Variants in MAK observed in about 807,000 individuals in gnomAD.
The protein encoded by MAK is serine/threonine-protein kinase MAK.
Under a neutral mutation model 82.6 loss-of-function variants are expected in MAK, and 65 were observed. The ratio of observed to expected loss-of-function variants is 0.79; its 90% CI spans 0.64 to 0.97. The LOEUF (loss-of-function observed/expected upper bound fraction) is 0.97, where lower values mean the gene tolerates loss of function less well. Ranked by LOEUF, MAK falls within the 50% of genes least tolerant of loss-of-function variation. The probability of loss-of-function intolerance (pLI) is 0.00; values close to 1 mark genes in which losing one functional copy is unlikely to be tolerated. For missense variants in MAK, 703 were observed against 780.2 expected, an observed-to-expected ratio of 0.90 and a Z score of 1.18; for synonymous variants, 250 against 274.2, an observed-to-expected ratio of 0.91 and a Z score of 0.87.
intron 2 of MAK, among the ~76,000 whole-genome samples, chr6:10,824,309 C>CA (rs1778191308): frequency 1.3e-5 from 2 of 152,220 alleles, no homozygotes; most frequent in African/African-American, 4.8e-5. Context: ...CAAGACCTAA[C>CA]AACCTAACTT....
chr6:10,772,497 C>T (rs1463127087), intron 13 of MAK, among the ~76,000 whole-genome samples: 1 of 151,990 alleles, frequency 6.6e-6, no homozygotes, highest in Non-Finnish European at 1.5e-5. Context: ...GTGCATGCCA[C>T]CACACACAGC....
chr6:10,796,625 G>C (rs1775587361), intron 8 of MAK, among the ~76,000 whole-genome samples: 1 of 152,140 alleles, frequency 6.6e-6, no homozygotes, highest in Non-Finnish European at 1.5e-5. Context: ...GACCAACATG[G>C]TGAAACCCAG....
rs191243387 is a variant in MAK at position 10,810,594 on chromosome 6, C to T, written c.359-1652G>A. Among the ~76,000 whole-genome samples, 27 of 152,264 alleles carry T rather than the reference C, an allele frequency of 1.8e-4. 1 individual carries two copies. Among genetic ancestry groups the T allele is most frequent in the Non-Finnish European group, 2.8e-4 (19 of 68,018 alleles). ...GACCTTGTGATCCACCTGCTTCACC[C>T]TCCCAAAGTGCTGGGATTACAGGTG... On this transcript the variant is annotated intron_variant, in intron 5 of 14. Coordinates refer to ENST00000354489, the MANE Select transcript of MAK (RefSeq NM_001242957.3).
chr6:10,775,253 G>T, intron 12 of MAK, 75 bp downstream of exon 12: 2 of 1,535,106 alleles, frequency 1.3e-6, no homozygotes, highest in Non-Finnish European at 1.8e-6. Flanking sequence ...GGTTGGAAGA[G>T]CACTGCAATA....
At position 10,764,581 on chromosome 6, in the gene MAK, A is replaced by G; in HGVS notation, c.1818T>C (p.Gly606=). The change falls in exon 15 of 15, where the codon GGT becomes GGC. Residue 606 remains glycine (G), a synonymous_variant. Transcript: ENST00000354489. ...ASEYTWNTKT[G]RGQFSGRTYN... Reference sequence around the variant, plus strand: ...AAGTACGTCCTGAAAACTGCCCCCGACCAGTTTTTGTGTTCCAGGTATATT... The same window carrying G: ...AAGTACGTCCTGAAAACTGCCCCCGGCCAGTTTTTGTGTTCCAGGTATATT... The G allele has an allele frequency of 1.9e-6, 3 of 1,613,896 alleles. No individual in the cohort carries two copies. Among genetic ancestry groups the G allele is most frequent in the South Asian group, 1.1e-5 (1 of 91,078 alleles).
intron 2 of MAK, among the ~76,000 whole-genome samples, chr6:10,826,910 G>A (rs1409421035): frequency 2.6e-5 from 4 of 152,108 alleles, no homozygotes; most frequent in African/African-American, 4.8e-5. Context: ...TCGGGAGTTC[G>A]AGACCAGCCT....
At chr6:10,825,546 C>T (rs985452023) in intron 2 of MAK, among the ~76,000 whole-genome samples, 1 of 151,938 alleles carries the variant, frequency 6.6e-6, no homozygotes, top group African/African-American at 2.4e-5. Context: ...AAATCATTAG[C>T]CTGCACCTCT....
At chr6:10,792,034 T>C (rs1355365579) in intron 9 of MAK, among the ~76,000 whole-genome samples, 187 bp from the exon 10 acceptor site, 1 of 152,178 alleles carries the variant, frequency 6.6e-6, no homozygotes, top group Admixed American at 6.5e-5. Context: ...AAAAATATGA[T>C]AGGTGTTCAG....
In MAK at chr6:10,796,657, T is replaced by C. The variant is rs539429905; in HGVS notation, c.832-348A>G. Among the ~76,000 whole-genome samples the C allele has an allele frequency of 7.6e-4, 115 of 152,076 alleles. 1 individual carries two copies. Among genetic ancestry groups the C allele is most frequent in the African/African-American group, 2.5e-3 (105 of 41,510 alleles). ...CCAGTCTCTACTAAAAATACAAAAA[T>C]TAGCCAGGCGTGTTGGTGGATGCCT... On this transcript the variant is annotated intron_variant, in intron 8 of 14. Coordinates refer to ENST00000354489, the MANE Select transcript of MAK (RefSeq NM_001242957.3).
At chr6:10,797,893 A>G in intron 8 of MAK, 7 of 1,279,042 alleles carry the variant, frequency 5.5e-6, no homozygotes, top group Non-Finnish European at 7.1e-6. Context: ...AGAGCACAAG[A>G]AAGAGTTTGT....
chr6:10,770,041 C>T, intron 14 of MAK, 70 bp downstream of exon 14: 1 of 1,612,752 alleles, frequency 6.2e-7, no homozygotes, highest in Non-Finnish European at 8.5e-7. Flanking sequence ...AAAGTGACTG[C>T]ATAAACTTAA....
chr6:10,791,553 C>T (rs1424093283), intron 10 of MAK, 122 bp downstream of exon 10: 5 of 867,420 alleles, frequency 5.8e-6, no homozygotes, highest in Non-Finnish European at 9.2e-6. Flanking sequence ...AGGCCTGAGC[C>T]ACTACACCTG....
intron 8 of MAK, among the ~76,000 whole-genome samples, chr6:10,799,522 A>G (rs1775845976): frequency 6.6e-6 from 1 of 151,980 alleles, no homozygotes; most frequent in Non-Finnish European, 1.5e-5. Context: ...TTGGGAGGCC[A>G]AGGCAGGAGA....
Position 10,775,303 on chromosome 6 carries a change from T to G in MAK, c.1597+25A>C, listed in dbSNP as rs368089813. On this transcript the variant is annotated intron_variant, in intron 12 of 14. Coordinates refer to ENST00000354489, the MANE Select transcript of MAK (RefSeq NM_001242957.3). ...CCTCTATAAAGGAAAACCCCGTACA[T>G]GTACATTTTGTATTCTTGCGTTACC... 1.9e-5 allele frequency: 31 copies of G among 1,610,354 alleles called. No individual in the cohort carries two copies. The Admixed American group carries it at 5.0e-4, about 26-fold the overall frequency.
chr6:10,783,949 G>A (rs1581669920), intron 11 of MAK, among the ~76,000 whole-genome samples: 1 of 152,084 alleles, frequency 6.6e-6, no homozygotes. Flanking sequence ...AACCTGGGAG[G>A]TGGAGGTTGC....
intron 12 of MAK, among the ~76,000 whole-genome samples, chr6:10,773,885 G>T (rs1250050023): frequency 6.6e-6 from 1 of 151,816 alleles, no homozygotes; most frequent in Non-Finnish European, 1.5e-5. Context: ...ATTTTTAGTA[G>T]AGACAGGGTT....
At chr6:10,797,680 C>T (rs1390683236) in intron 8 of MAK, 1 of 985,348 alleles carries the variant, frequency 1.0e-6, no homozygotes, top group Non-Finnish European at 1.2e-6. Flanking sequence ...CTCTGTTCCC[C>T]TGAACCTCCT....
intron 8 of MAK, among the ~76,000 whole-genome samples, chr6:10,798,818 A>C (rs1341433293): frequency 6.7e-6 from 1 of 149,218 alleles, no homozygotes; most frequent in Non-Finnish European, 1.5e-5. Flanking sequence ...TTATTTATTT[A>C]TTTATTTATT....
chr6:10,772,013 T>C (rs1476185870), intron 13 of MAK, among the ~76,000 whole-genome samples: 1 of 152,212 alleles, frequency 6.6e-6, no homozygotes, highest in Non-Finnish European at 1.5e-5. Flanking sequence ...TATGTAAGAA[T>C]ACCTAAGGAA....
Sources: gnomAD v4.1 joint callset for allele counts (sites outside exome capture counted in the v4.1 genomes callset) on GRCh38, gnomAD v4.1.1 for gene constraint, MANE v1.5 for transcripts, NCBI Gene and HGNC (gene_info 2026-07-23, HGNC 2026-07-21) for gene names.